Variants in ZNF860 observed in about 807,000 individuals in gnomAD.
The protein encoded by ZNF860 is zinc finger protein 860.
For missense variants in ZNF860, 641 were observed against 759.2 expected (o/e 0.84, Z 1.83); for synonymous variants, 206 against 248.9 (o/e 0.83, Z 1.62).
At chr3:32,005,977 C>A in the ZNF860 span, among the ~76,000 whole-genome samples, 1 of 151,498 alleles carries the variant, frequency 6.6e-6, no homozygotes, top group African/African-American at 2.4e-5. Flanking sequence ...CAGAGTCTTG[C>A]TCTGTCACCC....
chr3:31,984,751 G>A (rs759795316), intron 1 of ZNF860, among the ~76,000 whole-genome samples: 1 of 152,146 alleles, frequency 6.6e-6, no homozygotes, highest in Non-Finnish European at 1.5e-5. Context: ...AAACAAGGAG[G>A]GAATAGTTTT....
At chr3:31,999,550 C>T in the ZNF860 span, among the ~76,000 whole-genome samples, 3 of 151,840 alleles carry the variant, frequency 2.0e-5, no homozygotes, top group East Asian at 1.9e-4. Context: ...AGTAGAGACA[C>T]GGTTTCTCCA....
downstream of ZNF860, among the ~76,000 whole-genome samples, chr3:31,993,681 T>TACAC (rs139678560): frequency 0.21 from 31,543 of 147,182 alleles, 4,520 homozygotes; most frequent in African/African-American, 0.42. Flanking sequence ...TACACACACA[T>TACAC]ACACACACAC....
intron 1 of ZNF860, among the ~76,000 whole-genome samples, chr3:31,988,149 A>C (rs1424218435): frequency 6.6e-6 from 1 of 152,208 alleles, no homozygotes; most frequent in African/African-American, 2.4e-5. Context: ...TTTGAACAAG[A>C]ATATCTGGAG....
the ZNF860 span, among the ~76,000 whole-genome samples, chr3:32,004,418 C>T: frequency 6.6e-6 from 1 of 152,222 alleles, no homozygotes; most frequent in East Asian, 1.9e-4. Context: ...TGTCACCTGA[C>T]TCCCTTGCCC....
downstream of ZNF860, among the ~76,000 whole-genome samples, chr3:31,995,896 TA>T (rs1699086572): frequency 1.3e-5 from 2 of 152,186 alleles, no homozygotes; most frequent in South Asian, 4.1e-4. Context: ...AAGCCGCTGT[TA>T]ATAACCATCC....
chr3:31,990,277 T>C lies in ZNF860; in HGVS notation c.1198T>C (p.Cys400Arg). ...AIHGIGKLYK[C>R]NDCHKVFSNA... ...CCATGGTATAGGGAAACTTTATAAA[T>C]GTAATGATTGTCACAAAGTCTTCAG... The change falls in exon 2 of 2, where the codon TGT (cysteine) becomes CGT (arginine). Residue 400 changes from cysteine to arginine, a missense_variant. By Grantham distance (180) the Cys-to-Arg change is radical. Transcript: ENST00000360311. The C allele has an allele frequency of 1.2e-6, 2 of 1,614,090 alleles. No homozygotes were observed. The highest frequency in any genetic ancestry group is 1.3e-5 in the African/African-American group (1 of 75,048).
the ZNF860 span, among the ~76,000 whole-genome samples, chr3:32,001,855 A>G: frequency 1.3e-5 from 2 of 152,146 alleles, no homozygotes; most frequent in African/African-American, 4.8e-5. Context: ...AACACCCAGT[A>G]ATCTCTATTA....
rs531368390 is a variant in ZNF860, at chr3:31,990,003, T to A, written c.924T>A (p.His308Gln). The A allele has an allele frequency of 6.2e-7, 1 of 1,614,152 alleles. No homozygotes were observed. Among genetic ancestry groups the A allele is most frequent in the East Asian group, 2.2e-5 (1 of 44,878 alleles). Residue 308 changes from histidine (H) to glutamine (Q), a missense_variant, in exon 2 of 2, where the codon CAT (histidine) becomes CAA (glutamine). His to Gln is a conservative substitution (Grantham distance 24). Transcript: ENST00000360311. The stretch of plus-strand genomic sequence containing the variant: ...ACCTTGCAAGTCATCATAGACTTCA[T>A]ACTGGAGAGAAACCTTACAAATGTG... ...QSNLASHHRL[H>Q]TGEKPYKCEE...
At chr3:32,001,918 G>T in the ZNF860 span, among the ~76,000 whole-genome samples, 1 of 152,144 alleles carries the variant, frequency 6.6e-6, no homozygotes, top group Admixed American at 6.5e-5. Context: ...CAATCCTGAA[G>T]AAGAGAGATT....
At position 31,990,056 on chromosome 3, in the gene ZNF860, A is replaced by G. The variant is rs1171592027; in HGVS notation, c.977A>G (p.Lys326Arg). The G allele has an allele frequency of 3.1e-6, 5 of 1,613,944 alleles. No homozygotes were observed. Among genetic ancestry groups the G allele is most frequent in the African/African-American group, 1.3e-5 (1 of 74,932 alleles). The change falls in exon 2 of 2, where the codon AAA becomes AGA. Residue 326 changes from lysine to arginine, a missense_variant. By Grantham distance (26) the Lys-to-Arg change is conservative (BLOSUM62 2). Coordinates refer to ENST00000360311, the MANE Select transcript of ZNF860 (RefSeq NM_001137674.3). ...CEECDKVFSR[K>R]SNLERHRRIH... ...GAATGTGACAAAGTTTTTAGTCGCA[A>G]ATCAAATCTTGAAAGACATAGGAGA... is the stretch of plus-strand genomic sequence containing the variant.
At chr3:31,992,030 C>T (rs13087617), downstream of ZNF860, among the ~76,000 whole-genome samples, 24,713 of 151,664 alleles carry the variant, frequency 0.16, 2,243 homozygotes, top group South Asian at 0.32. Context: ...CCAGTAGTCC[C>T]AGCTACTGGG....
downstream of ZNF860, among the ~76,000 whole-genome samples, chr3:31,994,440 G>A (rs72854174): frequency 9.2e-3 from 1,403 of 152,238 alleles, 24 homozygotes; most frequent in African/African-American, 0.032. Context: ...GAGGTCAAAT[G>A]TCCTGTATGC....
chr3:31,990,019 T>C lies in ZNF860; in HGVS notation c.940T>C (p.Tyr314His), dbSNP rs1699001875. ...TAGACTTCATACTGGAGAGAAACCT[T>C]ACAAATGTGAAGAATGTGACAAAGT... ...HHRLHTGEKP[Y>H]KCEECDKVFS... The change falls in exon 2 of 2, where the codon TAC becomes CAC. Residue 314 changes from tyrosine to histidine, a missense_variant. Physicochemically the swap from Tyr to His is moderately conservative, Grantham distance 83. Coordinates refer to ENST00000360311, the MANE Select transcript of ZNF860 (RefSeq NM_001137674.3). The C allele has an allele frequency of 6.2e-7, 1 of 1,614,036 alleles. No homozygotes were observed. The highest frequency in any genetic ancestry group is 1.3e-5 in the African/African-American group (1 of 74,930).
the ZNF860 span, among the ~76,000 whole-genome samples, chr3:32,005,026 C>T: frequency 2.0e-5 from 3 of 152,066 alleles, no homozygotes; most frequent in Non-Finnish European, 4.4e-5. Flanking sequence ...GGTATCACAC[C>T]GTAGATCTTA....
chr3:31,990,985 C>G lies in ZNF860; in HGVS notation c.*7C>G. 2 of 1,560,574 alleles carry G rather than the reference C, an allele frequency of 1.3e-6. No individual in the cohort carries two copies. Among genetic ancestry groups the G allele is most frequent in the Non-Finnish European group, 1.7e-6 (2 of 1,154,852 alleles). On this transcript the variant is annotated 3_prime_UTR_variant, in exon 2 of 2. Transcript: ENST00000360311. Reference sequence around the variant, plus strand: ...TGGCAAGGTCTTCAGTTAGAGGTCACTCCTTGCAAAACATCAGAAAATTCA... The same window carrying G: ...TGGCAAGGTCTTCAGTTAGAGGTCAGTCCTTGCAAAACATCAGAAAATTCA...
Position 31,990,004 on chromosome 3 carries a change from A to G in ZNF860, c.925A>G (p.Thr309Ala). The G allele has an allele frequency of 6.2e-7, 1 of 1,614,188 alleles. No individual in the cohort carries two copies. The highest frequency in any genetic ancestry group is 8.5e-7 in the Non-Finnish European group (1 of 1,180,022). The stretch of plus-strand genomic sequence containing the variant: ...CCTTGCAAGTCATCATAGACTTCAT[A>G]CTGGAGAGAAACCTTACAAATGTGA... ...SNLASHHRLH[T>A]GEKPYKCEEC... Residue 309 changes from threonine to alanine, a missense_variant, in exon 2 of 2, where the codon ACT (threonine) becomes GCT (alanine). Transcript: ENST00000360311.
chr3:31,999,565 T>G, the ZNF860 span, among the ~76,000 whole-genome samples: 1 of 151,984 alleles, frequency 6.6e-6, no homozygotes, highest in East Asian at 1.9e-4. Context: ...TCTCCATGTT[T>G]TTTTAGGCTG....
the ZNF860 span, among the ~76,000 whole-genome samples, chr3:32,002,703 G>GA: frequency 6.6e-6 from 1 of 152,156 alleles, no homozygotes; most frequent in Non-Finnish European, 1.5e-5. Context: ...AGATTTTAGA[G>GA]AAAAAAGGTT....
Sources: allele counts gnomAD v4.1 joint callset (sites outside exome capture counted in the v4.1 genomes callset), GRCh38; gene constraint gnomAD v4.1.1; transcripts MANE v1.5; gene names NCBI Gene and HGNC (gene_info 2026-07-23, HGNC 2026-07-21).